The following ZNF330 variants were observed in gnomAD, a reference collection of about 807,000 sequenced individuals.
The protein encoded by ZNF330 is nucleolar atypical zinc finger, also known as zinc finger protein 330.
In ZNF330, 31 loss-of-function variants were observed where a neutral mutation model predicts 45.5. The ratio of observed to expected loss-of-function variants is 0.68; its 90% CI spans 0.51 to 0.92. ZNF330 has a LOEUF of 0.92. ZNF330 is among the 40% of genes least tolerant of loss of function. The pLI is 0.00. For synonymous variants in ZNF330, 138 were observed against 123.2 expected (o/e 1.12, Z -0.79); for missense variants, 356 against 387.4 (o/e 0.92, Z 0.68).
chr4:141,230,402 T>C (rs1728920970), intron 7 of ZNF330, 132 bp downstream of exon 7: 2 of 568,720 alleles, frequency 3.5e-6, no homozygotes, highest in Non-Finnish European at 6.1e-6. Flanking sequence ...GTCTTTATTT[T>C]CTGTTTCTAG....
intron 2 of ZNF330, among the ~76,000 whole-genome samples, chr4:141,223,497 A>G (rs1334727301): frequency 3.3e-5 from 5 of 152,198 alleles, no homozygotes; most frequent in African/African-American, 4.8e-5. Context: ...AGTTACAGGT[A>G]GCTTGCATGT....
upstream of ZNF330, among the ~76,000 whole-genome samples, chr4:141,220,701 TA>T (rs1379147895): frequency 1.3e-5 from 2 of 152,218 alleles, no homozygotes; most frequent in East Asian, 3.9e-4. Context: ...CTCCTTTTTC[TA>T]AAAAAGTAAA....
chr4:141,233,549 T>C lies in ZNF330; in HGVS notation c.689-166T>C, dbSNP rs111320943. The stretch of plus-strand genomic sequence containing the variant: ...TGAAATTACACTGTAATTTTTATTT[T>C]TTATGGTGTTGTATATAGACTCAGG... On this transcript the variant is annotated intron_variant, in intron 9 of 9. Coordinates refer to ENST00000262990, the MANE Select transcript of ZNF330 (RefSeq NM_014487.6). 2.7e-3 allele frequency among the ~76,000 whole-genome samples: 408 copies of C among 152,256 alleles called. 3 individuals are homozygous for C. Among genetic ancestry groups the C allele is most frequent in the African/African-American group, 9.0e-3 (376 of 41,552 alleles).
intron 9 of ZNF330, 47 bp downstream of exon 9, chr4:141,232,689 A>T (rs767794753): frequency 9.3e-7 from 1 of 1,070,054 alleles, no homozygotes; most frequent in South Asian, 2.3e-5. Flanking sequence ...TTTCATACTT[A>T]GACAAAGTTT....
At position 141,234,493 on chromosome 4, in the gene ZNF330, A is replaced by G. The variant is rs2111263931; in HGVS notation, c.*504A>G. On this transcript the variant is annotated 3_prime_UTR_variant, in exon 10 of 10. Coordinates refer to ENST00000262990, the MANE Select transcript of ZNF330 (RefSeq NM_014487.6). ...ATTCATGTCACCTTGAGTTGTCATG[A>G]TAAGTATGTTTTAGTATTTGACTTA... 6.5e-6 allele frequency: 1 copy of G among 153,040 alleles called. No homozygotes were observed. Among genetic ancestry groups the G allele is most frequent in the Middle Eastern group, 3.4e-3 (1 of 292 alleles). The allele number at this position is 153,040 out of a possible 1,614,324, so 9.5% of individuals were successfully genotyped here. A position where few individuals can be genotyped will look rare whatever the true frequency, so the allele number is the denominator to read the frequency against.
Position 141,234,198 on chromosome 4 carries a change from TG to T in ZNF330, c.*210del. ...AGAAAAATGAGTTTCAAATTTAAGA[TG>T]TTTATTGATCGAAGCAATTGAAGTA... On this transcript the variant is annotated 3_prime_UTR_variant, in exon 10 of 10. Coordinates refer to ENST00000262990, the MANE Select transcript of ZNF330 (RefSeq NM_014487.6). 2 of 936,532 alleles carry T rather than the reference TG, an allele frequency of 2.1e-6. 1 individual carries two copies. Among genetic ancestry groups the T allele is most frequent in the South Asian group, 6.5e-5 (2 of 30,902 alleles). The allele number at this position is 936,532 out of a possible 1,614,324, so 58.0% of individuals were successfully genotyped here.
At chr4:141,232,775 T>C in intron 9 of ZNF330, 133 bp downstream of exon 9, 2 of 458,024 alleles carry the variant, frequency 4.4e-6, no homozygotes, top group Non-Finnish European at 7.7e-6. Context: ...TTTAAGCAAG[T>C]GGAATTTTAC....
intron 8 of ZNF330, among the ~76,000 whole-genome samples, chr4:141,231,944 A>C (rs999189678): frequency 2.0e-5 from 3 of 151,958 alleles, no homozygotes; most frequent in Non-Finnish European, 4.4e-5. Context: ...TCCTAACCCT[A>C]TGTCTTATTT....
intron 5 of ZNF330, among the ~76,000 whole-genome samples, chr4:141,228,430 T>G (rs1348709241): frequency 6.6e-6 from 1 of 152,092 alleles, no homozygotes; most frequent in Non-Finnish European, 1.5e-5. Context: ...GAGAATAAGA[T>G]CTGGGTGTTT....
At chr4:141,230,448 C>T (rs1406070978) in intron 7 of ZNF330, among the ~76,000 whole-genome samples, 178 bp downstream of exon 7, 1 of 152,050 alleles carries the variant, frequency 6.6e-6, no homozygotes, top group Non-Finnish European at 1.5e-5. Context: ...GTAAATTTTT[C>T]AGCAGGGATG....
Position 141,226,762 on chromosome 4 carries a change from A to G in ZNF330, c.212-5A>G. 1 of 1,612,302 alleles carries G rather than the reference A, an allele frequency of 6.2e-7. No homozygotes were observed. The highest frequency in any genetic ancestry group is 8.5e-7 in the Non-Finnish European group (1 of 1,178,822). On this transcript the variant is annotated splice_polypyrimidine_tract_variant and splice_region_variant and intron_variant, in intron 4 of 9. Coordinates refer to ENST00000262990, the MANE Select transcript of ZNF330 (RefSeq NM_014487.6). The stretch of plus-strand genomic sequence containing the variant: ...ACTAACAGTGCAAATGTTTTTCTTC[A>G]TTAGGGAAAACAAAGTGCATGATGA...
Position 141,226,849 on chromosome 4 carries a change from A to G in ZNF330, c.291+3A>G, listed in dbSNP as rs893894870. 1 of 1,609,520 alleles carries G rather than the reference A, an allele frequency of 6.2e-7. No homozygotes were observed. Among genetic ancestry groups the G allele is most frequent in the Non-Finnish European group, 8.5e-7 (1 of 1,176,986 alleles). On this transcript the variant is annotated splice_donor_region_variant and intron_variant, in intron 5 of 9. Coordinates refer to ENST00000262990, the MANE Select transcript of ZNF330 (RefSeq NM_014487.6). Reference sequence around the variant, plus strand: ...ACAGTACTGGCCTTGCAATGGTGGTAAGCTTCTTATTATCTCTTAGACTAG... The same window carrying G: ...ACAGTACTGGCCTTGCAATGGTGGTGAGCTTCTTATTATCTCTTAGACTAG...
rs1183064849 is a variant in ZNF330 at position 141,233,739 on chromosome 4, A to C, written c.713A>C (p.Gln238Pro). 2 of 1,613,158 alleles carry C rather than the reference A, an allele frequency of 1.2e-6. No homozygotes were observed. Among genetic ancestry groups the C allele is most frequent in the Non-Finnish European group, 1.7e-6 (2 of 1,179,544 alleles). ...MSTRSLKFGR[Q>P]TGGEEGDGAS... ...GCACGCTCCCTGAAATTTGGCAGGC[A>C]GACTGGAGGTGAAGAGGGAGATGGA... Residue 238 changes from glutamine to proline, a missense_variant, in exon 10 of 10, where the codon CAG (glutamine) becomes CCG (proline). Gln to Pro is a moderately conservative substitution (Grantham distance 76, BLOSUM62 -1). Transcript: ENST00000262990.
At chr4:141,226,276 AATTAC>A (rs1728801890) in intron 4 of ZNF330, among the ~76,000 whole-genome samples, 1 of 152,128 alleles carries the variant, frequency 6.6e-6, no homozygotes, top group African/African-American at 2.4e-5. Flanking sequence ...GTTTGGATAA[AATTAC>A]ATTAACTCGA....
At chr4:141,229,146 T>C (rs1200052764) in intron 5 of ZNF330, among the ~76,000 whole-genome samples, 1 of 152,136 alleles carries the variant, frequency 6.6e-6, no homozygotes, top group Non-Finnish European at 1.5e-5. Flanking sequence ...GATAAGAAGG[T>C]ATTTTAAAAA....
intron 4 of ZNF330, 148 bp downstream of exon 4, chr4:141,224,825 A>AT (rs1728764369): frequency 3.0e-6 from 2 of 657,768 alleles, no homozygotes; most frequent in Admixed American, 3.1e-5. Context: ...AAAACATGTT[A>AT]TTTTGCCTAC....
chr4:141,230,119 A>G (rs1456005248), intron 6 of ZNF330, 47 bp from the exon 7 acceptor site: 4 of 1,374,286 alleles, frequency 2.9e-6, no homozygotes, highest in Middle Eastern at 2.4e-4. Context: ...GAGTTTTTTT[A>G]AATTAAAGTT....
intron 5 of ZNF330, among the ~76,000 whole-genome samples, chr4:141,227,132 TTTATTA>T (rs956821511): frequency 4.0e-5 from 6 of 151,522 alleles, no homozygotes; most frequent in African/African-American, 1.4e-4. Context: ...TTTTTTAAAT[TTTATTA>T]TTATTATTAT....
intron 5 of ZNF330, among the ~76,000 whole-genome samples, chr4:141,227,227 C>T (rs1728829154): frequency 6.6e-6 from 1 of 151,496 alleles, no homozygotes; most frequent in South Asian, 2.1e-4. Flanking sequence ...GTGTGGTGCA[C>T]CCATTAACTC....
Sources: allele counts gnomAD v4.1 joint callset (sites outside exome capture counted in the v4.1 genomes callset), GRCh38; gene constraint gnomAD v4.1.1; transcripts MANE v1.5; gene names NCBI Gene and HGNC (gene_info 2026-07-23, HGNC 2026-07-21).